CNTN3: variants seen among roughly 807,000 people sequenced by gnomAD.
CNTN3 encodes the protein contactin-3.
In CNTN3, 60 loss-of-function variants were observed where a neutral mutation model predicts 119.1. The ratio of observed to expected loss-of-function variants is 0.50; its 90% CI spans 0.41 to 0.62. The LOEUF is 0.62. Among genes scored for constraint, CNTN3 ranks in the 20% least tolerant of loss-of-function variants. CNTN3 has a pLI of 0.00. For missense variants in CNTN3, 1,101 were observed against 1,242.4 expected (o/e 0.89, Z 1.71); for synonymous variants, 450 against 438.7 (o/e 1.03, Z -0.32).
chr3:74,410,164 C>A (rs947672435), intron 5 of CNTN3, among the ~76,000 whole-genome samples: 1 of 152,152 alleles, frequency 6.6e-6, no homozygotes, highest in Non-Finnish European at 1.5e-5. Flanking sequence ...CCCATAAATT[C>A]TTCTTACTCT....
intron 4 of CNTN3, among the ~76,000 whole-genome samples, chr3:74,453,204 GGT>G (rs1702195039): frequency 6.6e-6 from 1 of 151,410 alleles, no homozygotes; most frequent in African/African-American, 2.4e-5. Context: ...TCCTGTTATT[GGT>G]CTATTCAGAG....
At chr3:74,343,320 C>A (rs1202080015) in intron 11 of CNTN3, among the ~76,000 whole-genome samples, 1 of 152,112 alleles carries the variant, frequency 6.6e-6, no homozygotes, top group Non-Finnish European at 1.5e-5. Context: ...GCAGCAAACA[C>A]CAAAGAGAAA....
At chr3:74,553,111 G>A (rs1309750251) in intron 1 of CNTN3, among the ~76,000 whole-genome samples, 9 of 61,468 alleles carry the variant, frequency 1.5e-4, no homozygotes, top group East Asian at 4.8e-4. Context: ...ACAGGCCCCC[G>A]TGTGTGATGT....
chr3:74,529,824 C>A (rs1703669278), intron 1 of CNTN3, among the ~76,000 whole-genome samples: 1 of 151,988 alleles, frequency 6.6e-6, no homozygotes, highest in African/African-American at 2.4e-5. Flanking sequence ...ACATTGAGTT[C>A]TAACTGTGCA....
intron 4 of CNTN3, among the ~76,000 whole-genome samples, chr3:74,451,390 G>C (rs1702151664): frequency 6.6e-6 from 1 of 152,174 alleles, no homozygotes; most frequent in East Asian, 1.9e-4. Context: ...ATTTGTTTCA[G>C]TTCATTGTAG....
intron 5 of CNTN3, among the ~76,000 whole-genome samples, chr3:74,414,307 T>C (rs1305950515): frequency 6.6e-6 from 1 of 152,186 alleles, no homozygotes; most frequent in Non-Finnish European, 1.5e-5. Flanking sequence ...AGTATCAAAG[T>C]TCCATGTAAG....
At chr3:74,593,300 T>C (rs762227333) in intron 1 of CNTN3, among the ~76,000 whole-genome samples, 22 of 151,928 alleles carry the variant, frequency 1.4e-4, no homozygotes, top group Non-Finnish European at 2.8e-4. Flanking sequence ...GGCATGTAAG[T>C]GGTTGAAAGA....
At chr3:74,454,419 T>A (rs1389836777) in intron 4 of CNTN3, among the ~76,000 whole-genome samples, 2 of 151,126 alleles carry the variant, frequency 1.3e-5, no homozygotes, top group Non-Finnish European at 3.0e-5. Context: ...GCACGTGAGA[T>A]GGGTTTCCTG....
intron 11 of CNTN3, among the ~76,000 whole-genome samples, chr3:74,343,041 A>G (rs954272750): frequency 1.3e-5 from 2 of 152,254 alleles, no homozygotes; most frequent in Non-Finnish European, 2.9e-5. Context: ...CAGGCCCCTC[A>G]TACTTGACAC....
At chr3:74,327,018 G>A (rs567652237) in intron 13 of CNTN3, among the ~76,000 whole-genome samples, 21 of 150,620 alleles carry the variant, frequency 1.4e-4, no homozygotes, top group African/African-American at 4.4e-4. Flanking sequence ...TATCAATCGA[G>A]AATATTGTGG....
rs537722053 is a variant in CNTN3, at chr3:74,390,540, T to C, written c.455-19141A>G. Among the ~76,000 whole-genome samples the C allele has an allele frequency of 5.3e-5, 8 of 152,134 alleles. No individual in the cohort carries two copies. In the South Asian group the frequency reaches 1.2e-3, roughly 24 times the overall value. Reference sequence around the variant, plus strand: ...GAGTTAACCCATTTGGAAACTACAATACACTCTGAGAGGTAGGCATGGGAA... The same window carrying C: ...GAGTTAACCCATTTGGAAACTACAACACACTCTGAGAGGTAGGCATGGGAA... On this transcript the variant is annotated intron_variant, in intron 5 of 22. Transcript: ENST00000263665.
chr3:74,295,602 T>C (rs895374703), intron 18 of CNTN3, among the ~76,000 whole-genome samples: 6 of 152,114 alleles, frequency 3.9e-5, no homozygotes, highest in African/African-American at 1.2e-4. Context: ...AGACGCTACT[T>C]AGTTTTCATT....
intron 1 of CNTN3, among the ~76,000 whole-genome samples, chr3:74,585,260 G>C (rs562876234): frequency 1.3e-5 from 2 of 152,196 alleles, no homozygotes; most frequent in African/African-American, 4.8e-5. Context: ...GAGTTACTGG[G>C]AGAATCACAA....
At chr3:74,382,769 T>C (rs138063505) in intron 5 of CNTN3, among the ~76,000 whole-genome samples, 1,765 of 152,362 alleles carry the variant, frequency 0.012, 23 homozygotes, top group South Asian at 0.022. Context: ...CATTCACCAA[T>C]TGATGGACAC....
rs563612012 is a variant in CNTN3, at chr3:74,569,799, G to T, written c.-81+44592C>A. 5.3e-4 allele frequency among the ~76,000 whole-genome samples: 81 copies of T among 152,202 alleles called. 1 individual carries two copies. The highest frequency in any genetic ancestry group is 1.9e-3 in the African/African-American group (78 of 41,550). ...GTGACTGACATCAAGGTGTCATCTGGGGCTGAGATCTCCCCTGAGGCTTGA... is the reference window on the plus strand; with the variant it reads ...GTGACTGACATCAAGGTGTCATCTGTGGCTGAGATCTCCCCTGAGGCTTGA... On this transcript the variant is annotated intron_variant, in intron 1 of 22. Coordinates refer to ENST00000263665, the MANE Select transcript of CNTN3 (RefSeq NM_020872.3).
intron 3 of CNTN3, 67 bp downstream of exon 3, chr3:74,499,592 A>T: frequency 6.7e-7 from 1 of 1,482,266 alleles, no homozygotes; most frequent in East Asian, 2.3e-5. Flanking sequence ...AAGCAAAAAA[A>T]AATTCACAAT....
At position 74,512,692 on chromosome 3, in the gene CNTN3, CAAAAAAAAAA is replaced by C. The variant is rs66822650; in HGVS notation, c.55+8356_55+8365del. Among the ~76,000 whole-genome samples, 21 of 85,248 alleles carry C rather than the reference CAAAAAAAAAA, an allele frequency of 2.5e-4. No homozygotes were observed. The South Asian group carries it at 4.1e-3, about 17-fold the overall frequency. The allele number at this position is 85,248 out of a possible 152,430, so 55.9% of individuals were successfully genotyped here. A position where few individuals can be genotyped will look rare whatever the true frequency, so the allele number is the denominator to read the frequency against. ...TCATTTGTTTGGCTGCATAATCAAG[CAAAAAAAAAA>C]AAAAAAAAAAAAAGAAAGAAAGAAA... On this transcript the variant is annotated intron_variant, in intron 2 of 22. Transcript: ENST00000263665.
intron 5 of CNTN3, among the ~76,000 whole-genome samples, chr3:74,381,585 T>C (rs948412407): frequency 6.6e-6 from 1 of 152,152 alleles, no homozygotes; most frequent in Non-Finnish European, 1.5e-5. Flanking sequence ...GTAATAAAAA[T>C]AGTGTTTGTA....
chr3:74,281,376 G>A (rs919764445), intron 20 of CNTN3, among the ~76,000 whole-genome samples: 11 of 151,922 alleles, frequency 7.2e-5, no homozygotes, highest in Non-Finnish European at 1.0e-4. Context: ...TGTTGCCCAC[G>A]CTGAAGTGCA....
Sources: gnomAD v4.1 joint callset for allele counts (sites outside exome capture counted in the v4.1 genomes callset) on GRCh38, gnomAD v4.1.1 for gene constraint, MANE v1.5 for transcripts, NCBI Gene and HGNC (gene_info 2026-07-23, HGNC 2026-07-21) for gene names.